Variants in MYO16 observed in about 807,000 individuals in gnomAD.
MYO16 encodes myosin XVI.
In MYO16, 94 loss-of-function variants were observed where a neutral mutation model predicts 205.3. The ratio of observed to expected loss-of-function variants is 0.46; its 90% CI spans 0.39 to 0.54. The LOEUF (loss-of-function observed/expected upper bound fraction) is 0.54. MYO16 is among the 20% of genes least tolerant of loss of function. The pLI is 0.00. For missense variants in MYO16, 2,315 were observed against 2,387.5 expected, an observed-to-expected ratio of 0.97 and a Z score of 0.63; for synonymous variants, 988 against 954.0, an observed-to-expected ratio of 1.04 and a Z score of -0.66.
chr13:109,113,104 C>T lies in MYO16; in HGVS notation c.3439-7266C>T, dbSNP rs9559499. ...ACTAAACAGGAGAAAAATGAATTCCCACTTTGGATCAGAAAGCAATATGAT... is the reference window on the plus strand; with the variant it reads ...ACTAAACAGGAGAAAAATGAATTCCTACTTTGGATCAGAAAGCAATATGAT... On this transcript the variant is annotated intron_variant, in intron 28 of 34. Transcript: ENST00000457511. Among the ~76,000 whole-genome samples, 58 of 152,276 alleles carry T rather than the reference C, an allele frequency of 3.8e-4. No homozygotes were observed. In the East Asian group the frequency reaches 0.011, roughly 28 times the overall value.
intron 28 of MYO16, among the ~76,000 whole-genome samples, chr13:109,116,840 A>G (rs1385810908): frequency 6.6e-6 from 1 of 152,096 alleles, no homozygotes; most frequent in Non-Finnish European, 1.5e-5. Flanking sequence ...CAACTGAAGC[A>G]CAAATGAGAG....
At chr13:108,895,548 A>T (rs1234225203) in intron 14 of MYO16, among the ~76,000 whole-genome samples, 1 of 152,194 alleles carries the variant, frequency 6.6e-6, no homozygotes, top group Non-Finnish European at 1.5e-5. Flanking sequence ...TTGTAGTTTT[A>T]TATTCGTTTC....
intron 1 of MYO16, among the ~76,000 whole-genome samples, chr13:108,617,376 C>A (rs2139328770): frequency 6.6e-6 from 1 of 152,280 alleles, no homozygotes; most frequent in East Asian, 1.9e-4. Context: ...TTCCCTCATT[C>A]CTTCTATGCA....
At chr13:109,112,402 A>G (rs907663813) in intron 28 of MYO16, among the ~76,000 whole-genome samples, 11 of 152,330 alleles carry the variant, frequency 7.2e-5, no homozygotes, top group African/African-American at 2.6e-4. Flanking sequence ...CTTTAATCCT[A>G]TTAGATGTAT....
intron 16 of MYO16, among the ~76,000 whole-genome samples, chr13:108,916,106 T>G (rs1881484606): frequency 6.6e-6 from 1 of 152,228 alleles, no homozygotes; most frequent in South Asian, 2.1e-4. Flanking sequence ...GTTTACTTAG[T>G]AAGTAGCTTG....
chr13:108,904,852 A>G (rs1880884506), intron 15 of MYO16, among the ~76,000 whole-genome samples: 1 of 152,142 alleles, frequency 6.6e-6, no homozygotes, highest in African/African-American at 2.4e-5. Flanking sequence ...CTTCTACACA[A>G]GATCGTTCCT....
intron 11 of MYO16, among the ~76,000 whole-genome samples, chr13:108,858,181 C>T (rs1372548380): frequency 6.6e-6 from 1 of 152,158 alleles, no homozygotes; most frequent in East Asian, 1.9e-4. Flanking sequence ...GAAACTCTTC[C>T]AGCAGTTTGT....
chr13:108,986,953 T>C (rs1884660915), intron 20 of MYO16, among the ~76,000 whole-genome samples: 1 of 152,192 alleles, frequency 6.6e-6, no homozygotes, highest in Non-Finnish European at 1.5e-5. Flanking sequence ...GGGGGCAGCT[T>C]ACTTCACCAT....
chr13:109,126,224 G>A (rs1169325081), intron 30 of MYO16, among the ~76,000 whole-genome samples: 1 of 151,872 alleles, frequency 6.6e-6, no homozygotes, highest in Non-Finnish European at 1.5e-5. Context: ...ATTAAATACT[G>A]AAAAAAATCC....
intron 14 of MYO16, among the ~76,000 whole-genome samples, chr13:108,891,833 A>T (rs1345602840): frequency 6.6e-6 from 1 of 152,194 alleles, no homozygotes; most frequent in Non-Finnish European, 1.5e-5. Flanking sequence ...AAATACGGAA[A>T]TATACTGCAC....
At chr13:109,097,635 A>G (rs1338965227) in intron 27 of MYO16, among the ~76,000 whole-genome samples, 1 of 152,250 alleles carries the variant, frequency 6.6e-6, no homozygotes, top group Non-Finnish European at 1.5e-5. Context: ...TACTTCACCC[A>G]TCAACAAATC....
intron 14 of MYO16, among the ~76,000 whole-genome samples, chr13:108,897,809 T>G (rs1880503433): frequency 6.6e-6 from 1 of 152,144 alleles, no homozygotes; most frequent in African/African-American, 2.4e-5. Context: ...TATTATTGCT[T>G]CATGAACAGT....
chr13:108,642,542 C>G (rs545446306), intron 1 of MYO16, among the ~76,000 whole-genome samples: 1 of 152,048 alleles, frequency 6.6e-6, no homozygotes, highest in African/African-American at 2.4e-5. Flanking sequence ...CTCAGCCTCC[C>G]GAGTAGCTGA....
At chr13:108,535,035 T>A in the MYO16 span, among the ~76,000 whole-genome samples, 1 of 149,782 alleles carries the variant, frequency 6.7e-6, no homozygotes, top group African/African-American at 2.5e-5. Flanking sequence ...CTTCTCCTCC[T>A]TCCTCTTCTT....
At chr13:108,846,996 CAAT>C (rs557233595) in intron 10 of MYO16, among the ~76,000 whole-genome samples, 83 of 152,214 alleles carry the variant, frequency 5.5e-4, no homozygotes, top group African/African-American at 1.8e-3. Flanking sequence ...GTAGTAAGTA[CAAT>C]GATAATCATT....
chr13:108,601,430 G>A (rs781749567), intron 1 of MYO16, among the ~76,000 whole-genome samples: 13 of 152,004 alleles, frequency 8.6e-5, no homozygotes, highest in African/African-American at 2.2e-4. Flanking sequence ...ATATGCAGAC[G>A]AAACAAAGGG....
At chr13:108,895,554 G>A (rs1293235593) in intron 14 of MYO16, among the ~76,000 whole-genome samples, 1 of 152,152 alleles carries the variant, frequency 6.6e-6, no homozygotes, top group East Asian at 1.9e-4. Context: ...TTTTATATTC[G>A]TTTCATGCCT....
At chr13:108,906,172 G>C (rs775223247) in intron 15 of MYO16, among the ~76,000 whole-genome samples, 1 of 151,960 alleles carries the variant, frequency 6.6e-6, no homozygotes, top group Non-Finnish European at 1.5e-5. Flanking sequence ...TTTATTTCAA[G>C]TCTTAGGTTC....
the MYO16 span, among the ~76,000 whole-genome samples, chr13:108,545,832 G>A: frequency 6.6e-6 from 1 of 152,144 alleles, no homozygotes; most frequent in African/African-American, 2.4e-5. Context: ...GTCAGAACAA[G>A]GCTTAGTTTC....
Sources: allele counts gnomAD v4.1 joint callset (sites outside exome capture counted in the v4.1 genomes callset), GRCh38; gene constraint gnomAD v4.1.1; transcripts MANE v1.5; gene names NCBI Gene and HGNC (gene_info 2026-07-23, HGNC 2026-07-21).